Variants in COMMD1 observed in about 807,000 individuals in gnomAD.
The protein encoded by COMMD1 is COMM domain-containing protein 1.
Under a neutral mutation model 17.2 loss-of-function variants are expected in COMMD1, and 10 were observed. The observed-to-expected ratio is 0.58, with a 90% confidence interval of 0.36 to 0.99. The LOEUF (loss-of-function observed/expected upper bound fraction) is 0.99, where lower values mean the gene tolerates loss of function less well. Ranked by LOEUF, COMMD1 falls within the 50% of genes least tolerant of loss-of-function variation. The probability of loss-of-function intolerance (pLI) is 0.01; values close to 1 mark genes in which losing one functional copy is unlikely to be tolerated. For missense variants in COMMD1, 270 were observed against 231.8 expected, an observed-to-expected ratio of 1.17 and a Z score of -1.07; for synonymous variants, 97 against 91.6, an observed-to-expected ratio of 1.06 and a Z score of -0.34.
chr2:61,922,359 C>T (rs1670221619), intron 1 of COMMD1, among the ~76,000 whole-genome samples: 1 of 151,866 alleles, frequency 6.6e-6, no homozygotes, highest in South Asian at 2.1e-4. Flanking sequence ...CTTTTGTTGC[C>T]CAGGCTGGAA....
At chr2:61,906,679 C>G (rs746266893) in intron 1 of COMMD1, among the ~76,000 whole-genome samples, 4 of 151,662 alleles carry the variant, frequency 2.6e-5, no homozygotes, top group Non-Finnish European at 5.9e-5. Flanking sequence ...AAATTACTGA[C>G]TTTTATAGGT....
intron 2 of COMMD1, among the ~76,000 whole-genome samples, chr2:62,047,787 A>G (rs988483442): frequency 5.3e-5 from 8 of 152,162 alleles, no homozygotes; most frequent in Middle Eastern, 3.2e-3. Flanking sequence ...AAATCTTTTT[A>G]TACTGTATTT....
chr2:61,890,896 G>A (rs1669415048), intron 1 of COMMD1, among the ~76,000 whole-genome samples: 1 of 151,134 alleles, frequency 6.6e-6, no homozygotes, highest in Non-Finnish European at 1.5e-5. Flanking sequence ...CTCTGAGGCC[G>A]ACTTCTCTTC....
At chr2:61,940,576 C>T (rs1414108542) in intron 1 of COMMD1, among the ~76,000 whole-genome samples, 6 of 152,146 alleles carry the variant, frequency 3.9e-5, no homozygotes, top group Admixed American at 3.9e-4. Context: ...CAGCATTGCC[C>T]CAGAAAATGT....
intron 2 of COMMD1, among the ~76,000 whole-genome samples, chr2:62,062,489 A>C (rs146660329): frequency 2.0e-5 from 3 of 151,932 alleles, no homozygotes; most frequent in Admixed American, 6.6e-5. Flanking sequence ...CGGCCTCCCA[A>C]AGTGCTGGGA....
chr2:62,024,887 T>C (rs961126699), intron 2 of COMMD1, among the ~76,000 whole-genome samples: 2 of 152,238 alleles, frequency 1.3e-5, no homozygotes, highest in Admixed American at 1.3e-4. Flanking sequence ...CTGTTCTTTA[T>C]TTCTTAGTGA....
chr2:61,925,516 C>T (rs1670308353), intron 1 of COMMD1, among the ~76,000 whole-genome samples: 1 of 152,138 alleles, frequency 6.6e-6, no homozygotes, highest in African/African-American at 2.4e-5. Context: ...GTTTATGCTT[C>T]CTACGACCTC....
intron 2 of COMMD1, among the ~76,000 whole-genome samples, chr2:62,091,388 G>A (rs1671824350): frequency 6.6e-6 from 1 of 152,198 alleles, no homozygotes; most frequent in South Asian, 2.1e-4. Context: ...CTCCAGTGAG[G>A]TCACACTTTA....
chr2:61,944,987 C>T (rs1169810285), intron 1 of COMMD1, among the ~76,000 whole-genome samples: 1 of 152,122 alleles, frequency 6.6e-6, no homozygotes, highest in Non-Finnish European at 1.5e-5. Context: ...AATTCGGAGG[C>T]CTTGTTCCCC....
chr2:62,071,414 G>A (rs1430412802), intron 2 of COMMD1, among the ~76,000 whole-genome samples: 1 of 152,132 alleles, frequency 6.6e-6, no homozygotes, highest in African/African-American at 2.4e-5. Context: ...AGGTCTTTAC[G>A]ACCTGTATGT....
chr2:61,954,155 G>A (rs895888064), intron 1 of COMMD1, among the ~76,000 whole-genome samples: 2 of 152,118 alleles, frequency 1.3e-5, no homozygotes, highest in Admixed American at 6.6e-5. Context: ...GTTGCAATGA[G>A]CCGAGATTGC....
chr2:62,070,548 TAA>T (rs70946779), intron 2 of COMMD1, among the ~76,000 whole-genome samples: 3 of 131,080 alleles, frequency 2.3e-5, no homozygotes, highest in African/African-American at 5.8e-5. Flanking sequence ...ACCCTGTCTC[TAA>T]AAAAAAAAAA....
chr2:62,066,616 T>A (rs914416969), intron 2 of COMMD1, among the ~76,000 whole-genome samples: 1 of 151,890 alleles, frequency 6.6e-6, no homozygotes. Context: ...TTAGCCAGGA[T>A]GGTCTCCATC....
intron 2 of COMMD1, among the ~76,000 whole-genome samples, chr2:62,123,500 T>TCA (rs145887068): frequency 5.6e-5 from 7 of 125,072 alleles, no homozygotes; most frequent in Non-Finnish European, 9.6e-5. Context: ...GCAAGACATG[T>TCA]GAAAAAAAAA....
At chr2:62,012,072 A>G (rs1669293551) in intron 2 of COMMD1, among the ~76,000 whole-genome samples, 1 of 151,584 alleles carries the variant, frequency 6.6e-6, no homozygotes, top group Non-Finnish European at 1.5e-5. Flanking sequence ...ACCTGGTGAA[A>G]CTCCGTCTCT....
At chr2:62,050,046 C>T (rs898788965) in intron 2 of COMMD1, among the ~76,000 whole-genome samples, 1 of 152,100 alleles carries the variant, frequency 6.6e-6, no homozygotes, top group Non-Finnish European at 1.5e-5. Flanking sequence ...CTGGATGAAT[C>T]TCTATAACAG....
chr2:62,136,049 G>A lies in COMMD1; in HGVS notation c.*108G>A, dbSNP rs574375394. ...GTGCCCGCATTGGTATTAAATCCTC[G>A]CATTCAGTCTTCCTGCCTCTACTTG... On this transcript the variant is annotated 3_prime_UTR_variant, in exon 3 of 3. Coordinates refer to ENST00000311832, the MANE Select transcript of COMMD1 (RefSeq NM_152516.4). 2.4e-4 allele frequency: 170 copies of A among 712,046 alleles called. No individual in the cohort carries two copies. Among genetic ancestry groups the A allele is most frequent in the Admixed American group, 3.7e-4 (19 of 50,894 alleles). 44.1% of individuals were successfully genotyped at this position (712,046 alleles called of 1,614,324 possible).
intron 2 of COMMD1, among the ~76,000 whole-genome samples, chr2:62,087,584 A>G (rs1195108005): frequency 1.3e-5 from 2 of 152,178 alleles, no homozygotes; most frequent in Non-Finnish European, 2.9e-5. Flanking sequence ...CGTCTCTACT[A>G]AAAGTACAAA....
chr2:61,967,420 T>C (rs1671534426), intron 1 of COMMD1, among the ~76,000 whole-genome samples: 1 of 152,248 alleles, frequency 6.6e-6, no homozygotes, highest in Admixed American at 6.5e-5. Flanking sequence ...AAGTTTGTGG[T>C]CTGGCACTGA....
Sources: allele counts gnomAD v4.1 joint callset (sites outside exome capture counted in the v4.1 genomes callset), GRCh38; gene constraint gnomAD v4.1.1; transcripts MANE v1.5; gene names NCBI Gene and HGNC (gene_info 2026-07-23, HGNC 2026-07-21).